PDE11A: variants seen among roughly 807,000 people sequenced by gnomAD.
PDE11A encodes dual 3',5'-cyclic-AMP and -GMP phosphodiesterase 11A.
PDE11A carries 100 observed loss-of-function variants against 100.5 expected under a neutral mutation model. The ratio of observed to expected loss-of-function variants is 1.00; its 90% CI spans 0.85 to 1.18. PDE11A has a LOEUF of 1.18. PDE11A is among the 50% of genes most tolerant of loss of function. PDE11A has a pLI of 0.00. For missense variants in PDE11A, 1,141 were observed against 1,152.6 expected, an observed-to-expected ratio of 0.99 and a Z score of 0.15; for synonymous variants, 381 against 420.8, an observed-to-expected ratio of 0.91 and a Z score of 1.16.
At chr2:177,823,486 A>C (rs1293810225) in intron 6 of PDE11A, among the ~76,000 whole-genome samples, 1 of 152,110 alleles carries the variant, frequency 6.6e-6, no homozygotes, top group Non-Finnish European at 1.5e-5. Context: ...GCACTTTCTT[A>C]TGCATTATTT....
In PDE11A at chr2:177,867,511, C is replaced by T. The variant is rs565072452; in HGVS notation, c.1367+8348G>A. 5.3e-5 allele frequency among the ~76,000 whole-genome samples: 8 copies of T among 152,188 alleles called. No homozygotes were observed. The South Asian group carries it at 8.3e-4, about 16-fold the overall frequency. ...TTGGGAGGCCAAGGTGGGCGCATCA[C>T]GAGGTCAAGAGATTGAGACCATCCT... On this transcript the variant is annotated intron_variant, in intron 5 of 19. Coordinates refer to ENST00000286063, the MANE Select transcript of PDE11A (RefSeq NM_016953.4).
At chr2:177,646,263 A>G (rs1009080804) in intron 19 of PDE11A, among the ~76,000 whole-genome samples, 2 of 152,228 alleles carry the variant, frequency 1.3e-5, no homozygotes, top group Admixed American at 1.3e-4. Context: ...TAAAAACTGT[A>G]TTCAACTGAA....
Position 177,828,305 on chromosome 2 carries a change from A to G in PDE11A, c.1501-8010T>C, listed in dbSNP as rs562067519. On this transcript the variant is annotated intron_variant, in intron 6 of 19. Coordinates refer to ENST00000286063, the MANE Select transcript of PDE11A (RefSeq NM_016953.4). Reference sequence around the variant, plus strand: ...TAATATATTTAATGACATAAAGCATATTCATAAATTACACATAGATAATAT... The same window carrying G: ...TAATATATTTAATGACATAAAGCATGTTCATAAATTACACATAGATAATAT... Among the ~76,000 whole-genome samples the G allele has an allele frequency of 1.3e-3, 203 of 152,318 alleles. 2 individuals carry two copies. Among genetic ancestry groups the G allele is most frequent in the African/African-American group, 4.6e-3 (192 of 41,582 alleles).
chr2:178,069,366 A>G (rs1412810374), intron 1 of PDE11A, among the ~76,000 whole-genome samples: 2 of 152,210 alleles, frequency 1.3e-5, no homozygotes, highest in Non-Finnish European at 2.9e-5. Flanking sequence ...GAAGAGTAGC[A>G]TAAGTAAAAT....
At chr2:178,040,128 A>T (rs576689013) in intron 1 of PDE11A, among the ~76,000 whole-genome samples, 18 of 144,084 alleles carry the variant, frequency 1.2e-4, no homozygotes, top group African/African-American at 4.3e-4. Context: ...GCAACAGCGC[A>T]ATCTCAGCTC....
chr2:177,727,177 G>A (rs1398971178), intron 12 of PDE11A, among the ~76,000 whole-genome samples: 1 of 151,962 alleles, frequency 6.6e-6, no homozygotes, highest in Non-Finnish European at 1.5e-5. Context: ...AACCTGGAGA[G>A]TGCGCACTCT....
intron 10 of PDE11A, among the ~76,000 whole-genome samples, chr2:177,742,325 C>T (rs56362604): frequency 0.51 from 77,162 of 152,008 alleles, 23,117 homozygotes; most frequent in East Asian, 0.85. Flanking sequence ...CAGTTTGTCT[C>T]ACCCCATCTA....
chr2:177,663,940 C>T lies in PDE11A; in HGVS notation c.2572G>A (p.Asp858Asn), dbSNP rs761995773. ...ELKLTPSAIFDRNRKDELPRL... is the reference protein window; with the variant it reads ...ELKLTPSAIFNRNRKDELPRL... ...GGCAGTTCATCCTTCCGGTTCCGAT[C>T]AAAAATTGCCTAGAATGGGGGGCAG... The change falls in exon 19 of 20, where the codon GAT (aspartate) becomes AAT (asparagine). Residue 858 changes from aspartate to asparagine, a missense_variant. Asp to Asn is a conservative substitution (Grantham distance 23). Coordinates refer to ENST00000286063, the MANE Select transcript of PDE11A (RefSeq NM_016953.4). The T allele has an allele frequency of 6.2e-7, 1 of 1,608,600 alleles. No homozygotes were observed. The highest frequency in any genetic ancestry group is 1.7e-5 in the Admixed American group (1 of 59,976).
Position 177,727,676 on chromosome 2 carries a change from C to A in PDE11A, c.2025G>T (p.Leu675=). The A allele has an allele frequency of 6.2e-7, 1 of 1,602,906 alleles. No individual in the cohort carries two copies. Among genetic ancestry groups the A allele is most frequent in the South Asian group, 1.1e-5 (1 of 90,878 alleles). ...NWRHAFNVCQ[L]MFAMLTTAGF... ...CACTTACGGTTAACATCGCGAACAT[C>A]AGCTGACACACGTTGAAGGCATGTC... Residue 675 remains leucine, a synonymous_variant, in exon 12 of 20, where the codon CTG becomes CTT. Transcript: ENST00000286063.
intron 19 of PDE11A, among the ~76,000 whole-genome samples, chr2:177,644,919 A>G (rs1327202753): frequency 6.6e-6 from 1 of 152,226 alleles, no homozygotes; most frequent in African/African-American, 2.4e-5. Context: ...GCTGCCATCC[A>G]TGTAAAATGT....
chr2:177,993,248 A>G (rs918324370), intron 2 of PDE11A, among the ~76,000 whole-genome samples: 4 of 152,074 alleles, frequency 2.6e-5, no homozygotes, highest in Non-Finnish European at 5.9e-5. Context: ...CACAGATTCA[A>G]CTCTCAGCTG....
intron 19 of PDE11A, among the ~76,000 whole-genome samples, chr2:177,659,438 A>G (rs568000215): frequency 6.0e-4 from 91 of 152,216 alleles, no homozygotes; most frequent in Non-Finnish European, 1.1e-3. Flanking sequence ...TATTCTGGCT[A>G]GATGCTGGCC....
chr2:177,928,657 T>A (rs906245120), intron 2 of PDE11A, among the ~76,000 whole-genome samples: 1 of 152,226 alleles, frequency 6.6e-6, no homozygotes, highest in African/African-American at 2.4e-5. Context: ...ATGCCTATAA[T>A]CTCAGCACTT....
At chr2:177,873,481 T>C (rs1177152909) in intron 5 of PDE11A, among the ~76,000 whole-genome samples, 1 of 152,212 alleles carries the variant, frequency 6.6e-6, no homozygotes, top group South Asian at 2.1e-4. Flanking sequence ...TTTTTATGAA[T>C]ATAAAACCTC....
At chr2:177,730,461 T>G (rs998862612) in intron 10 of PDE11A, among the ~76,000 whole-genome samples, 9 of 152,060 alleles carry the variant, frequency 5.9e-5, no homozygotes, top group African/African-American at 2.2e-4. Context: ...TTTGGACTGG[T>G]TTGTCTTTCT....
chr2:177,803,052 T>C (rs1327212838), intron 9 of PDE11A, among the ~76,000 whole-genome samples: 3 of 151,850 alleles, frequency 2.0e-5, no homozygotes, highest in Non-Finnish European at 2.9e-5. Flanking sequence ...TTGAGAAATA[T>C]TGATTAAAGA....
intron 2 of PDE11A, among the ~76,000 whole-genome samples, chr2:177,990,104 C>T (rs13408911): frequency 0.063 from 9,521 of 152,164 alleles, 311 homozygotes; most frequent in South Asian, 0.096. Context: ...ATACTTTTTC[C>T]TTTGATAAGC....
chr2:177,835,009 A>G (rs750166943), intron 6 of PDE11A, among the ~76,000 whole-genome samples: 51 of 152,164 alleles, frequency 3.4e-4, no homozygotes, highest in Non-Finnish European at 6.8e-4. Flanking sequence ...GCAGTCTGTC[A>G]AGGTCTAAGG....
rs780621267 is a variant in PDE11A, at chr2:178,017,142, A to G, written c.913-2682T>C. Among the ~76,000 whole-genome samples, 128 of 152,280 alleles carry G rather than the reference A, an allele frequency of 8.4e-4. 1 individual carries two copies. The highest frequency in any genetic ancestry group is 2.4e-4 in the Non-Finnish European group (16 of 68,050). On this transcript the variant is annotated intron_variant, in intron 1 of 19. Coordinates refer to ENST00000286063, the MANE Select transcript of PDE11A (RefSeq NM_016953.4). Reference sequence around the variant, plus strand: ...TTAAATAATTTATTCTTTTGAAAAGATTGCATTGCAATTATGCAGAATATA... The same window carrying G: ...TTAAATAATTTATTCTTTTGAAAAGGTTGCATTGCAATTATGCAGAATATA...
Sources: allele counts gnomAD v4.1 joint callset (sites outside exome capture counted in the v4.1 genomes callset), GRCh38; gene constraint gnomAD v4.1.1; transcripts MANE v1.5; gene names NCBI Gene and HGNC (gene_info 2026-07-23, HGNC 2026-07-21).